Variants in SNX15 observed in about 807,000 individuals in gnomAD.
The protein encoded by SNX15 is sorting nexin 15, also known as sorting nexin-15.
In SNX15, 29 loss-of-function variants were observed where a neutral mutation model predicts 35.2. That is an observed-to-expected ratio of 0.82 (90% CI 0.61 to 1.12). SNX15 has a LOEUF of 1.12. SNX15 is among the 50% of genes most tolerant of loss of function. The pLI, the probability that SNX15 is intolerant of heterozygous loss-of-function variation, is 0.00. For missense variants in SNX15, 400 were observed against 451.5 expected, an observed-to-expected ratio of 0.89 and a Z score of 1.03; for synonymous variants, 189 against 188.2, an observed-to-expected ratio of 1.00 and a Z score of -0.03.
rs1434369787 is a variant in SNX15 at position 65,039,674 on chromosome 11, C to A, written c.923-12C>A. On this transcript the variant is annotated splice_polypyrimidine_tract_variant and intron_variant, in intron 7 of 7. Coordinates refer to ENST00000377244, the MANE Select transcript of SNX15 (RefSeq NM_013306.5). Reference sequence around the variant, plus strand: ...TGCCCAGGTGCCTCAGCTGAGCATTCTCTCTCCACAGGTGACCCGTTGCCT... The same window carrying A: ...TGCCCAGGTGCCTCAGCTGAGCATTATCTCTCCACAGGTGACCCGTTGCCT... The A allele has an allele frequency of 6.2e-7, 1 of 1,603,122 alleles. No homozygotes were observed. Among genetic ancestry groups the A allele is most frequent in the Admixed American group, 1.7e-5 (1 of 59,582 alleles).
chr11:65,039,592 T>A (rs1168236072), intron 7 of SNX15, 94 bp from the exon 8 acceptor site: 2 of 704,306 alleles, frequency 2.8e-6, no homozygotes, highest in Non-Finnish European at 5.0e-6. Flanking sequence ...GAAAAGCACA[T>A]GGTGATGCTC....
At chr11:65,028,668 TACAG>T (rs1323873131) in intron 1 of SNX15, among the ~76,000 whole-genome samples, 2 of 82,826 alleles carry the variant, frequency 2.4e-5, no homozygotes, top group Non-Finnish European at 4.6e-5. Flanking sequence ...AATATTAAAA[TACAG>T]ACACACACAC....
chr11:65,039,207 T>A lies in SNX15; in HGVS notation c.922+378T>A, dbSNP rs112087782. Among the ~76,000 whole-genome samples the A allele has an allele frequency of 1.6e-3, 236 of 147,764 alleles. 1 individual carries two copies. Among genetic ancestry groups the A allele is most frequent in the Non-Finnish European group, 3.0e-3 (201 of 66,926 alleles). On this transcript the variant is annotated intron_variant, in intron 7 of 7. Coordinates refer to ENST00000377244, the MANE Select transcript of SNX15 (RefSeq NM_013306.5). ...CCTGGCTAATTTTTGAATTTTTATT[T>A]TTTATTTATTTTTATTTATTTATTT...
chr11:65,039,822 G>GGA lies in SNX15; in HGVS notation c.*30_*31insGA. On this transcript the variant is annotated 3_prime_UTR_variant, in exon 8 of 8. Coordinates refer to ENST00000377244, the MANE Select transcript of SNX15 (RefSeq NM_013306.5). ...GAGTGGGCCATTCCCTGGGACTCTCGCTCCTGCACTGCCAGCCCCTTCTCC... is the reference window on the plus strand; with the variant it reads ...GAGTGGGCCATTCCCTGGGACTCTCGGACTCCTGCACTGCCAGCCCCTTCTCC... 6.8e-7 allele frequency: 1 copy of GGA among 1,481,092 alleles called. No homozygotes were observed. The highest frequency in any genetic ancestry group is 9.3e-7 in the Non-Finnish European group (1 of 1,070,492). 91.7% of individuals were successfully genotyped at this position (1,481,092 alleles called of 1,614,324 possible).
Position 65,034,948 on chromosome 11 carries a change from A to G in SNX15, c.358A>G (p.Lys120Glu). The change falls in exon 4 of 8, where the codon AAG becomes GAG. Residue 120 changes from lysine (K) to glutamate (E), a missense_variant. Coordinates refer to ENST00000377244, the MANE Select transcript of SNX15 (RefSeq NM_013306.5). The stretch of plus-strand genomic sequence containing the variant: ...TGCGCTCAACAACAGCCCCCAGCTC[A>G]AGGAGTTCTTCCGGGTATGTGCACC... Reference protein sequence around the residue: ...IPALNNSPQLKEFFRGGEVTR... With the variant: ...IPALNNSPQLEEFFRGGEVTR... 2.5e-6 allele frequency: 4 copies of G among 1,613,852 alleles called. No homozygotes were observed. The highest frequency in any genetic ancestry group is 3.4e-6 in the Non-Finnish European group (4 of 1,179,800).
In SNX15 at chr11:65,039,745, C is replaced by T. The variant is rs753475370; in HGVS notation, c.982C>T (p.Arg328Trp). 2.2e-5 allele frequency: 35 copies of T among 1,613,446 alleles called. No homozygotes were observed. The highest frequency in any genetic ancestry group is 1.6e-4 in the Middle Eastern group (1 of 6,084). ...VKKKAAEYLK[R>W]AEEILRLHLS... Reference sequence around the variant, plus strand: ...GAAGAAGGCAGCTGAGTACCTGAAGCGGGCAGAGGAGATCCTGCGCCTGCA... The same window carrying T: ...GAAGAAGGCAGCTGAGTACCTGAAGTGGGCAGAGGAGATCCTGCGCCTGCA... The change falls in exon 8 of 8, where the codon CGG becomes TGG. Residue 328 changes from arginine (R) to tryptophan (W), a missense_variant. Transcript: ENST00000377244.
chr11:65,031,064 G>A (rs975824126), intron 1 of SNX15, among the ~76,000 whole-genome samples: 6 of 151,992 alleles, frequency 3.9e-5, no homozygotes, highest in Non-Finnish European at 7.4e-5. Context: ...ACTCTCTCCA[G>A]GCTGGAGTGC....
intron 6 of SNX15, 126 bp from the exon 7 acceptor site, chr11:65,038,446 C>G (rs1055477255): frequency 7.7e-6 from 10 of 1,294,958 alleles, no homozygotes; most frequent in Non-Finnish European, 9.2e-6. Flanking sequence ...CTGGATTGCT[C>G]TGGCATTGGT....
Position 65,040,161 on chromosome 11 carries a change from C to G in SNX15, c.*369C>G, listed in dbSNP as rs1485199911. The G allele has an allele frequency of 2.6e-5, 5 of 190,934 alleles. No individual in the cohort carries two copies. The highest frequency in any genetic ancestry group is 1.2e-4 in the African/African-American group (5 of 42,810). The allele number at this position is 190,934 out of a possible 1,614,324, so 11.8% of individuals were successfully genotyped here. On this transcript the variant is annotated 3_prime_UTR_variant, in exon 8 of 8. Coordinates refer to ENST00000377244, the MANE Select transcript of SNX15 (RefSeq NM_013306.5). ...AGATTGCAGGCACATGCCACCACGC[C>G]CAGCTAATATTTTGTATTTTCAGTA... is the stretch of plus-strand genomic sequence containing the variant.
rs1309729288 is a variant in SNX15 at position 65,040,297 on chromosome 11, C to G, written c.*505C>G. On this transcript the variant is annotated 3_prime_UTR_variant, in exon 8 of 8. Transcript: ENST00000377244. ...AGATTACAGGCATGAGTCACTACGC[C>G]CGGCCCATGTCTGTCTGTCTTGATG... is the stretch of plus-strand genomic sequence containing the variant. 1.3e-5 allele frequency: 2 copies of G among 155,932 alleles called. No homozygotes were observed. Among genetic ancestry groups the G allele is most frequent in the Admixed American group, 1.2e-4 (2 of 16,004 alleles). The allele number at this position is 155,932 out of a possible 1,614,324, so 9.7% of individuals were successfully genotyped here. A position where few individuals can be genotyped will look rare whatever the true frequency, so the allele number is the denominator to read the frequency against.
chr11:65,036,488 C>T (rs1053792525), intron 6 of SNX15: 1 of 152,184 alleles, frequency 6.6e-6, no homozygotes, highest in Non-Finnish European at 1.5e-5. Context: ...AAGCGATTCT[C>T]CTGCCTCAGC....
At chr11:65,037,551 A>G (rs1392064866) in intron 6 of SNX15, 1 of 152,188 alleles carries the variant, frequency 6.6e-6, no homozygotes, top group Non-Finnish European at 1.5e-5. Flanking sequence ...AGACAGCTCC[A>G]ATGAGACATT....
At chr11:65,038,872 G>A in intron 7 of SNX15, 43 bp downstream of exon 7, 3 of 1,479,302 alleles carry the variant, frequency 2.0e-6, no homozygotes, top group East Asian at 2.4e-5. Flanking sequence ...TGGGTCCCAG[G>A]TGGGGCAGTG....
rs757125590 is a variant in SNX15, at chr11:65,039,638, C to T, written c.923-48C>T. ...AAAGGACCCGACCAGGGGTTCTGACCAGGCCAGTGGTGCCCAGGTGCCTCA... is the reference window on the plus strand; with the variant it reads ...AAAGGACCCGACCAGGGGTTCTGACTAGGCCAGTGGTGCCCAGGTGCCTCA... On this transcript the variant is annotated intron_variant, in intron 7 of 7. Coordinates refer to ENST00000377244, the MANE Select transcript of SNX15 (RefSeq NM_013306.5). 16 of 1,303,026 alleles carry T rather than the reference C, an allele frequency of 1.2e-5. No individual in the cohort carries two copies. The Admixed American group carries it at 2.3e-4, about 19-fold the overall frequency. 80.7% of individuals were successfully genotyped at this position (1,303,026 alleles called of 1,614,324 possible). A position where few individuals can be genotyped will look rare whatever the true frequency, so the allele number is the denominator to read the frequency against.
intron 1 of SNX15, among the ~76,000 whole-genome samples, chr11:65,028,819 C>T (rs1354547924): frequency 4.6e-5 from 7 of 150,760 alleles, no homozygotes; most frequent in Non-Finnish European, 7.4e-5. Flanking sequence ...GGTGGCCGGG[C>T]GCGGTGGCTC....
Position 65,035,523 on chromosome 11 carries a change from A to AC in SNX15, c.530dup (p.Pro178ThrfsTer14), listed in dbSNP as rs776050249. 6 of 1,587,408 alleles carry AC rather than the reference A, an allele frequency of 3.8e-6. No homozygotes were observed. The highest frequency in any genetic ancestry group is 2.7e-5 in the African/African-American group (2 of 73,350). Reference sequence around the variant, plus strand: ...ACCCCACTTATCTCTTCCTCAGTGGACCCCCCACCATCCAGCCCTGCCCAG... The same window carrying AC: ...ACCCCACTTATCTCTTCCTCAGTGGACCCCCCCACCATCCAGCCCTGCCCAG... On this transcript the variant is annotated frameshift_variant, in exon 6 of 8. Coordinates refer to ENST00000377244, the MANE Select transcript of SNX15 (RefSeq NM_013306.5). LOFTEE classifies it high-confidence loss of function.
chr11:65,029,198 G>A (rs569130384), intron 1 of SNX15, among the ~76,000 whole-genome samples: 43 of 151,932 alleles, frequency 2.8e-4, no homozygotes, highest in African/African-American at 9.6e-4. Flanking sequence ...TCTCACTGTC[G>A]CCCAGACTGG....
intron 3 of SNX15, among the ~76,000 whole-genome samples, chr11:65,033,497 G>A (rs866565481): frequency 7.0e-6 from 1 of 142,012 alleles, no homozygotes. Context: ...TGAGCCAAGA[G>A]TGTGCCATTG....
chr11:65,033,778 C>T (rs914010615), intron 3 of SNX15, among the ~76,000 whole-genome samples: 4 of 151,980 alleles, frequency 2.6e-5, no homozygotes, highest in Non-Finnish European at 5.9e-5. Flanking sequence ...TATCAGCTCA[C>T]TGCAAACTCT....
Sources: gnomAD v4.1 joint callset for allele counts (sites outside exome capture counted in the v4.1 genomes callset) on GRCh38, gnomAD v4.1.1 for gene constraint, MANE v1.5 for transcripts, NCBI Gene and HGNC (gene_info 2026-07-23, HGNC 2026-07-21) for gene names.